MPRIP: variants seen among roughly 807,000 people sequenced by gnomAD.
MPRIP encodes the protein myosin phosphatase Rho interacting protein.
Under a neutral mutation model 234.9 loss-of-function variants are expected in MPRIP, and 59 were observed. The ratio of observed to expected loss-of-function variants is 0.25; its 90% CI spans 0.20 to 0.31. The LOEUF (loss-of-function observed/expected upper bound fraction) is 0.31, where lower values mean the gene tolerates loss of function less well. Among genes scored for constraint, MPRIP ranks in the 10% least tolerant of loss-of-function variants. The pLI, the probability that MPRIP is intolerant of heterozygous loss-of-function variation, is 1.00. For synonymous variants in MPRIP, 1,144 were observed against 1,263.9 expected (o/e 0.91, Z 2.01); for missense variants, 2,436 against 3,071.0 (o/e 0.79, Z 4.89).
rs765126045 is a variant in MPRIP at position 17,136,233 on chromosome 17, C to T, written c.519C>T (p.Ala173=). 6.2e-7 allele frequency: 1 copy of T among 1,608,368 alleles called. No individual in the cohort carries two copies. Among genetic ancestry groups the T allele is most frequent in the Admixed American group, 1.7e-5 (1 of 59,142 alleles). ...EPPTPQEPGP[A]KVAVTSSSSS... ...TCCTCCTCCAGGAGCCTGGGCCTGC[C>T]AAGGTGGCTGTTACCAGCAGCAGCA... is the stretch of plus-strand genomic sequence containing the variant. The change falls in exon 6 of 24, where the codon GCC becomes GCT. Residue 173 remains alanine (A), a synonymous_variant. Transcript: ENST00000651222.
At chr17:17,093,801 G>A (rs1285484342) in intron 3 of MPRIP, among the ~76,000 whole-genome samples, 1 of 152,208 alleles carries the variant, frequency 6.6e-6, no homozygotes, top group Non-Finnish European at 1.5e-5. Flanking sequence ...CTCTGTGTTT[G>A]TAAATAACTG....
intron 1 of MPRIP, among the ~76,000 whole-genome samples, chr17:17,057,477 C>T (rs1180388920): frequency 6.6e-6 from 1 of 152,156 alleles, no homozygotes; most frequent in African/African-American, 2.4e-5. Context: ...CCCAGGGAGA[C>T]GCGGTGCCTT....
intron 4 of MPRIP, among the ~76,000 whole-genome samples, chr17:17,128,215 C>G (rs1046073234): frequency 2.0e-5 from 3 of 152,002 alleles, no homozygotes; most frequent in African/African-American, 7.2e-5. Context: ...AGGTGGCTTC[C>G]CTAGGAAACC....
intron 17 of MPRIP, 149 bp downstream of exon 17, chr17:17,172,014 A>T: frequency 1.0e-6 from 1 of 953,042 alleles, no homozygotes; most frequent in East Asian, 2.7e-5. Context: ...ATTCACTCTG[A>T]GGCAAAGGCC....
Position 17,069,170 on chromosome 17 carries a change from A to G in MPRIP, c.124-6540A>G, listed in dbSNP as rs1424507400. Reference sequence around the variant, plus strand: ...GTCTCAGTGAATTGACCCTTTTATCATTATATAATATTCCTCTTTGTCTCT... The same window carrying G: ...GTCTCAGTGAATTGACCCTTTTATCGTTATATAATATTCCTCTTTGTCTCT... On this transcript the variant is annotated intron_variant, in intron 1 of 23. Coordinates refer to ENST00000651222, the MANE Select transcript of MPRIP (RefSeq NM_001364716.4). 2.0e-5 allele frequency among the ~76,000 whole-genome samples: 3 copies of G among 152,192 alleles called. No individual in the cohort carries two copies. The East Asian group carries it at 5.8e-4, about 29-fold the overall frequency.
chr17:17,174,217 T>TC, intron 19 of MPRIP, 142 bp downstream of exon 19: 2 of 1,065,158 alleles, frequency 1.9e-6, no homozygotes, highest in Non-Finnish European at 2.7e-6. Flanking sequence ...ACAGAGTGGT[T>TC]ACCTGCCCCA....
At chr17:17,108,298 G>C (rs1419611155) in intron 3 of MPRIP, among the ~76,000 whole-genome samples, 1 of 152,116 alleles carries the variant, frequency 6.6e-6, no homozygotes. Context: ...GCCCTCTTTG[G>C]CCCAGCAAAA....
intron 17 of MPRIP, 57 bp from the exon 18 acceptor site, chr17:17,172,641 C>T (rs1567775282): frequency 7.1e-7 from 1 of 1,417,272 alleles, no homozygotes; most frequent in Admixed American, 1.8e-5. Context: ...CCACCCCCAC[C>T]CCTGTCAGCA....
intron 1 of MPRIP, among the ~76,000 whole-genome samples, chr17:17,043,283 A>AC (rs769410058): frequency 6.6e-5 from 10 of 151,984 alleles, no homozygotes; most frequent in African/African-American, 2.2e-4. Context: ...GCTTGACGGG[A>AC]CCCCCCTGAG....
chr17:17,072,155 A>G (rs2089210367), intron 1 of MPRIP, among the ~76,000 whole-genome samples: 1 of 152,190 alleles, frequency 6.6e-6, no homozygotes, highest in Non-Finnish European at 1.5e-5. Context: ...ACTTAAAGAC[A>G]CTGTGGTCTG....
intron 1 of MPRIP, among the ~76,000 whole-genome samples, chr17:17,043,297 C>G (rs1188837424): frequency 6.6e-6 from 1 of 152,202 alleles, no homozygotes; most frequent in Non-Finnish European, 1.5e-5. Context: ...CCCTGAGATT[C>G]TGGCTTGGGA....
intron 1 of MPRIP, among the ~76,000 whole-genome samples, chr17:17,060,638 G>A (rs1384326332): frequency 6.6e-6 from 1 of 152,202 alleles, no homozygotes; most frequent in African/African-American, 2.4e-5. Flanking sequence ...CTGCCCTCGT[G>A]CTCCCATAGC....
At position 17,165,709 on chromosome 17, in the gene MPRIP, C is replaced by G. The variant is rs1052390000; in HGVS notation, c.4118C>G (p.Thr1373Ser). Residue 1373 changes from threonine to serine, a missense_variant, in exon 16 of 24, where the codon ACT becomes AGT. Coordinates refer to ENST00000651222, the MANE Select transcript of MPRIP (RefSeq NM_001364716.4). Reference protein sequence around the residue: ...SEPAPSVLPATGDSDTYLSII... With the variant: ...SEPAPSVLPASGDSDTYLSII... ...CCTGCACCCAGTGTACTGCCTGCAA[C>G]TGGCGACTCTGACACGTACCTCTCC... 1 of 1,305,088 alleles carries G rather than the reference C, an allele frequency of 7.7e-7. No homozygotes were observed. The allele number at this position is 1,305,088 out of a possible 1,614,324, so 80.8% of individuals were successfully genotyped here.
At position 17,186,727 on chromosome 17, in the gene MPRIP, ATATACT is replaced by A. The variant is rs1208106083; in HGVS notation, c.*1837_*1842del. On this transcript the variant is annotated 3_prime_UTR_variant, in exon 24 of 24. Transcript: ENST00000651222. ...AAGCAAGGCCCCATATCAGATATAG[ATATACT>A]TATCAGACCCCCCCTGACCATTTAG... 6.6e-6 allele frequency: 1 copy of A among 152,122 alleles called. No homozygotes were observed. Among genetic ancestry groups the A allele is most frequent in the East Asian group, 1.9e-4 (1 of 5,196 alleles). 9.4% of individuals were successfully genotyped at this position (152,122 alleles called of 1,614,324 possible).
chr17:17,174,851 A>G (rs1313952088), intron 19 of MPRIP, among the ~76,000 whole-genome samples: 2 of 151,810 alleles, frequency 1.3e-5, no homozygotes, highest in Non-Finnish European at 2.9e-5. Flanking sequence ...GGTGCATTTA[A>G]ATCCTGGCTA....
intron 20 of MPRIP, among the ~76,000 whole-genome samples, chr17:17,175,670 C>G (rs924341360): frequency 1.3e-5 from 2 of 152,238 alleles, no homozygotes; most frequent in African/African-American, 4.8e-5. Context: ...CCACTCCCCT[C>G]CATTTCTGCT....
At chr17:17,115,077 A>G (rs1438843436) in intron 3 of MPRIP, among the ~76,000 whole-genome samples, 2 of 152,264 alleles carry the variant, frequency 1.3e-5, no homozygotes. Context: ...CGAGGCCCAC[A>G]CTGCATTGTT....
chr17:17,189,372 G>A lies in MPRIP; in HGVS notation c.*4478G>A, dbSNP rs1001061929. 5 of 151,842 alleles carry A rather than the reference G, an allele frequency of 3.3e-5. No individual in the cohort carries two copies. The highest frequency in any genetic ancestry group is 4.4e-5 in the Non-Finnish European group (3 of 67,990). 9.4% of individuals were successfully genotyped at this position (151,842 alleles called of 1,614,324 possible). A position where few individuals can be genotyped will look rare whatever the true frequency, so the allele number is the denominator to read the frequency against. Reference sequence around the variant, plus strand: ...CCTGGCTAATTTTTTTGTATTTTTAGTAGAGACGGGGTTTCACCATGTTGG... The same window carrying A: ...CCTGGCTAATTTTTTTGTATTTTTAATAGAGACGGGGTTTCACCATGTTGG... On this transcript the variant is annotated 3_prime_UTR_variant, in exon 24 of 24. Coordinates refer to ENST00000651222, the MANE Select transcript of MPRIP (RefSeq NM_001364716.4).
At chr17:17,077,729 G>C in intron 2 of MPRIP, 1 of 402,202 alleles carries the variant, frequency 2.5e-6, no homozygotes. Flanking sequence ...CGTTGTTTCT[G>C]CTCCTGAGGA....
Sources: gnomAD v4.1 joint callset for allele counts (sites outside exome capture counted in the v4.1 genomes callset) on GRCh38, gnomAD v4.1.1 for gene constraint, MANE v1.5 for transcripts, NCBI Gene and HGNC (gene_info 2026-07-23, HGNC 2026-07-21) for gene names.